MARCHF1: variants seen among roughly 807,000 people sequenced by gnomAD.
The protein encoded by MARCHF1 is E3 ubiquitin-protein ligase MARCHF1.
MARCHF1 carries 40 observed loss-of-function variants against 54.2 expected under a neutral mutation model. That is an observed-to-expected ratio of 0.74 (90% CI 0.57 to 0.96). The LOEUF (loss-of-function observed/expected upper bound fraction) is 0.96. MARCHF1 is among the 40% of genes least tolerant of loss of function. MARCHF1 has a pLI of 0.00. For missense variants in MARCHF1, 586 were observed against 656.5 expected (o/e 0.89, Z 1.17); for synonymous variants, 236 against 236.3 (o/e 1.00, Z 0.01).
chr4:164,090,664 A>C (rs948215306), intron 2 of MARCHF1, among the ~76,000 whole-genome samples: 1 of 152,140 alleles, frequency 6.6e-6, no homozygotes, highest in Non-Finnish European at 1.5e-5. Flanking sequence ...GTAAAATTTA[A>C]GTAATCTCAA....
intron 8 of MARCHF1, among the ~76,000 whole-genome samples, chr4:163,553,120 T>C (rs1292258701): frequency 6.6e-6 from 1 of 152,204 alleles, no homozygotes; most frequent in African/African-American, 2.4e-5. Context: ...GGGTGAGTTA[T>C]TTTAATTCTC....
chr4:164,276,876 C>CATAT (rs201004757), intron 1 of MARCHF1, among the ~76,000 whole-genome samples: 229 of 140,008 alleles, frequency 1.6e-3, no homozygotes, highest in South Asian at 8.0e-3. Flanking sequence ...ATATTACATA[C>CATAT]ATATATATAT....
At chr4:164,310,943 C>T (rs1173302125) in intron 1 of MARCHF1, among the ~76,000 whole-genome samples, 1 of 152,060 alleles carries the variant, frequency 6.6e-6, no homozygotes, top group African/African-American at 2.4e-5. Context: ...TTTAGAGAAC[C>T]TACTTCTAAG....
At chr4:164,272,850 T>C (rs1178760115) in intron 1 of MARCHF1, among the ~76,000 whole-genome samples, 1 of 151,888 alleles carries the variant, frequency 6.6e-6, no homozygotes, top group Non-Finnish European at 1.5e-5. Flanking sequence ...AAATGATAAA[T>C]AACATACAAT....
chr4:163,909,785 C>G (rs1429707135), intron 3 of MARCHF1, among the ~76,000 whole-genome samples: 1 of 152,074 alleles, frequency 6.6e-6, no homozygotes, highest in Non-Finnish European at 1.5e-5. Context: ...TTTTATCAAT[C>G]ATTAGAAAAC....
In MARCHF1 at chr4:163,893,079, T is replaced by A. The variant is rs534342468; in HGVS notation, c.-38-38910A>T. On this transcript the variant is annotated intron_variant, in intron 3 of 9. Transcript: ENST00000514618. ...CCCCAGAAGGATTTTTTTTTTTTTTTAAATCTGGACAGTAAACAAACCTCC... is the reference window on the plus strand; with the variant it reads ...CCCCAGAAGGATTTTTTTTTTTTTTAAAATCTGGACAGTAAACAAACCTCC... 1.1e-3 allele frequency among the ~76,000 whole-genome samples: 170 copies of A among 150,400 alleles called. 2 individuals are homozygous for A. The Middle Eastern group carries it at 0.021, about 18-fold the overall frequency.
At chr4:163,910,279 A>T (rs547945334) in intron 3 of MARCHF1, among the ~76,000 whole-genome samples, 1 of 152,300 alleles carries the variant, frequency 6.6e-6, no homozygotes, top group Admixed American at 6.5e-5. Context: ...TTGTTGTTTT[A>T]ACATAAACAA....
intron 1 of MARCHF1, among the ~76,000 whole-genome samples, chr4:164,381,386 T>C (rs1316131717): frequency 6.6e-6 from 1 of 152,224 alleles, no homozygotes; most frequent in Admixed American, 6.5e-5. Context: ...TTATACTTTC[T>C]GAGAAATTTT....
In MARCHF1 at chr4:163,709,074, T is replaced by TA. The variant is rs1745030918; in HGVS notation, c.112-8212dup. Among the ~76,000 whole-genome samples the TA allele has an allele frequency of 2.0e-5, 3 of 152,152 alleles. No individual in the cohort carries two copies. In the South Asian group the frequency reaches 6.2e-4, roughly 32 times the overall value. Reference sequence around the variant, plus strand: ...TGTATAGAGAGTAATTCCATTTCTTTAAAAACAAACAGAACTCCTATATAT... The same window carrying TA: ...TGTATAGAGAGTAATTCCATTTCTTTAAAAAACAAACAGAACTCCTATATAT... On this transcript the variant is annotated intron_variant, in intron 4 of 9. Coordinates refer to ENST00000514618, the MANE Select transcript of MARCHF1 (RefSeq NM_001394959.1).
At chr4:164,092,403 G>A (rs891915238) in intron 2 of MARCHF1, among the ~76,000 whole-genome samples, 2 of 152,126 alleles carry the variant, frequency 1.3e-5, no homozygotes, top group Non-Finnish European at 2.9e-5. Flanking sequence ...CCATCATTCA[G>A]TGGCAGCTAG....
At chr4:163,933,916 C>A (rs536009080) in intron 3 of MARCHF1, among the ~76,000 whole-genome samples, 2 of 152,224 alleles carry the variant, frequency 1.3e-5, no homozygotes, top group Non-Finnish European at 2.9e-5. Flanking sequence ...AATTCACTTA[C>A]ACCTCCTGCC....
intron 2 of MARCHF1, among the ~76,000 whole-genome samples, chr4:164,071,718 A>G (rs1290921915): frequency 1.3e-5 from 2 of 152,010 alleles, no homozygotes; most frequent in Non-Finnish European, 2.9e-5. Flanking sequence ...GTTACTCACA[A>G]CCCATAGCTT....
chr4:163,912,105 A>G (rs1236898178), intron 3 of MARCHF1, among the ~76,000 whole-genome samples: 1 of 151,004 alleles, frequency 6.6e-6, no homozygotes, highest in African/African-American at 2.4e-5. Context: ...TAGACATCAC[A>G]TCTGCAATCC....
intron 8 of MARCHF1, among the ~76,000 whole-genome samples, chr4:163,572,257 T>C (rs556680708): frequency 1.2e-3 from 189 of 152,108 alleles, no homozygotes; most frequent in Admixed American, 2.6e-3. Flanking sequence ...GGATTTTCTT[T>C]ATATCTTTTA....
chr4:163,687,176 T>C (rs1243651875), intron 5 of MARCHF1, among the ~76,000 whole-genome samples: 1 of 152,054 alleles, frequency 6.6e-6, no homozygotes, highest in East Asian at 1.9e-4. Context: ...GATCATCGAG[T>C]TACCTGTCTA....
At chr4:163,615,039 G>A (rs548521246) in intron 5 of MARCHF1, among the ~76,000 whole-genome samples, 10 of 152,118 alleles carry the variant, frequency 6.6e-5, no homozygotes, top group African/African-American at 2.2e-4. Context: ...AGCCCAGTGG[G>A]ATCTCTATTT....
intron 2 of MARCHF1, among the ~76,000 whole-genome samples, chr4:164,082,657 T>C (rs1755124029): frequency 6.6e-6 from 1 of 152,180 alleles, no homozygotes. Context: ...TTGGGCATCA[T>C]ATGTTGTTCA....
rs892260764 is a variant in MARCHF1, at chr4:163,752,888, C to T, written c.112-52025G>A. ...CAAGAATGCATTGCTATCACTAGTA[C>T]CCTGCTAGGGAAAATTTAAATTTTT... On this transcript the variant is annotated intron_variant, in intron 4 of 9. Transcript: ENST00000514618. Among the ~76,000 whole-genome samples the T allele has an allele frequency of 2.6e-5, 4 of 152,096 alleles. No individual in the cohort carries two copies. In the South Asian group the frequency reaches 8.3e-4, roughly 31 times the overall value.
intron 2 of MARCHF1, among the ~76,000 whole-genome samples, chr4:164,020,950 G>A (rs1259754045): frequency 6.6e-6 from 1 of 152,054 alleles, no homozygotes; most frequent in African/African-American, 2.4e-5. Flanking sequence ...TTTGTATTTT[G>A]TCTGTGTAGG....
Sources: allele counts gnomAD v4.1 joint callset (sites outside exome capture counted in the v4.1 genomes callset), GRCh38; gene constraint gnomAD v4.1.1; transcripts MANE v1.5; gene names NCBI Gene and HGNC (gene_info 2026-07-23, HGNC 2026-07-21).